CFAP47: variants seen among roughly 807,000 people sequenced by gnomAD.
The protein encoded by CFAP47 is cilia and flagella associated protein 47.
Under a neutral mutation model 148.1 loss-of-function variants are expected in CFAP47, and 29 were observed. The ratio of observed to expected loss-of-function variants is 0.20; its 90% CI spans 0.15 to 0.27. The LOEUF (loss-of-function observed/expected upper bound fraction) is 0.27, where lower values mean the gene tolerates loss of function less well. Ranked by LOEUF, CFAP47 falls within the 10% of genes least tolerant of loss-of-function variation. The pLI is 1.00. For missense variants in CFAP47, 1,872 were observed against 1,697.5 expected (o/e 1.10, Z -1.81); for synonymous variants, 664 against 577.3 (o/e 1.15, Z -2.15).
At chrX:36,014,082 G>A (rs772951000) in intron 21 of CFAP47, among the ~76,000 whole-genome samples, 39 of 111,779 alleles carry the variant, frequency 3.5e-4, no homozygotes, top group East Asian at 5.6e-4. Context: ...TGTGTTTTAC[G>A]TGTTCACATG....
At chrX:36,347,463 G>A (rs966785500) in intron 57 of CFAP47, among the ~76,000 whole-genome samples, 1 of 111,942 alleles carries the variant, frequency 8.9e-6, no homozygotes, top group African/African-American at 3.2e-5. Context: ...ATCCTTCTAT[G>A]ATAAAGACAC....
chrX:36,288,300 A>G (rs1189668344), intron 51 of CFAP47, among the ~76,000 whole-genome samples: 1 of 111,938 alleles, frequency 8.9e-6, no homozygotes. Context: ...AGTATTTAGG[A>G]TTTCCTTTGG....
At chrX:35,931,532 G>A (rs1686790770) in intron 2 of CFAP47, among the ~76,000 whole-genome samples, 1 of 111,263 alleles carries the variant, frequency 9.0e-6, no homozygotes, top group South Asian at 3.7e-4. Flanking sequence ...AAGTTAATTT[G>A]TATATGCTAT....
chrX:35,975,864 A>T lies in CFAP47; in HGVS notation c.2664A>T (p.Gln888His). ...RQNCCAQFQW[Q>H]PVNTGRGIAF... ...ATTGTTGTGCTCAGTTTCAATGGCA[A>T]CCCGTAAACACAGGAAGAGGGATAG... Residue 888 changes from glutamine to histidine, a missense_variant, in exon 15 of 64, where the codon CAA becomes CAT. Transcript: ENST00000378653. 1 of 1,209,171 alleles carries T rather than the reference A, an allele frequency of 8.3e-7. No homozygotes were observed. Among genetic ancestry groups the T allele is most frequent in the East Asian group, 3.0e-5 (1 of 33,824 alleles).
intron 39 of CFAP47, among the ~76,000 whole-genome samples, chrX:36,174,550 T>C (rs1306835048): frequency 9.2e-6 from 1 of 109,016 alleles, no homozygotes; most frequent in Non-Finnish European, 1.9e-5. Context: ...TATTTCTCCT[T>C]CACTTATGAA....
intron 35 of CFAP47, among the ~76,000 whole-genome samples, chrX:36,144,399 A>C (rs1474896518): frequency 1.8e-5 from 2 of 112,461 alleles, no homozygotes; most frequent in Non-Finnish European, 3.8e-5. Flanking sequence ...TGTCATTGTC[A>C]ATCACAAATA....
intron 49 of CFAP47, among the ~76,000 whole-genome samples, chrX:36,257,216 AG>A (rs1352436209): frequency 9.0e-6 from 1 of 111,430 alleles, no homozygotes; most frequent in Non-Finnish European, 1.9e-5. Flanking sequence ...GGTAGAACTC[AG>A]TAATCGAGTA....
chrX:36,363,344 G>A (rs1556019622), intron 61 of CFAP47, among the ~76,000 whole-genome samples: 1 of 111,102 alleles, frequency 9.0e-6, no homozygotes, highest in African/African-American at 3.3e-5. Flanking sequence ...ATATGGTATA[G>A]CCTATTGCTT....
intron 49 of CFAP47, among the ~76,000 whole-genome samples, chrX:36,260,051 T>A (rs1940799470): frequency 9.3e-6 from 1 of 107,185 alleles, no homozygotes; most frequent in South Asian, 4.1e-4. Context: ...ATTTCATTCA[T>A]TTTTATGGCT....
At chrX:36,156,372 A>G (rs1666200288) in intron 37 of CFAP47, among the ~76,000 whole-genome samples, 1 of 111,664 alleles carries the variant, frequency 9.0e-6, no homozygotes, top group South Asian at 3.6e-4. Flanking sequence ...ACTTATATAG[A>G]AAATGTTAAA....
intron 60 of CFAP47, among the ~76,000 whole-genome samples, chrX:36,354,111 T>C (rs1417561655): frequency 8.9e-6 from 1 of 112,129 alleles, no homozygotes; most frequent in Non-Finnish European, 1.9e-5. Flanking sequence ...AAATTAGATA[T>C]AATATCCAAA....
chrX:36,177,017 A>G (rs1217513449), intron 39 of CFAP47, among the ~76,000 whole-genome samples: 2 of 112,681 alleles, frequency 1.8e-5, no homozygotes, highest in Non-Finnish European at 3.7e-5. Context: ...TAGAATTCAT[A>G]TAGGTAGAAC....
chrX:36,234,794 G>A (rs1555993741), intron 46 of CFAP47, among the ~76,000 whole-genome samples: 1 of 111,468 alleles, frequency 9.0e-6, no homozygotes, highest in Non-Finnish European at 1.9e-5. Context: ...TGGGTTTTTG[G>A]TGTGGATGTC....
intron 49 of CFAP47, among the ~76,000 whole-genome samples, chrX:36,254,955 G>A (rs1161321496): frequency 8.9e-6 from 1 of 111,882 alleles, no homozygotes; most frequent in Non-Finnish European, 1.9e-5. Flanking sequence ...CTGACAGCAT[G>A]TACTAATGTT....
chrX:36,044,023 A>G (rs67510386), intron 25 of CFAP47, among the ~76,000 whole-genome samples: 9,629 of 112,673 alleles, frequency 0.085, 1,010 homozygotes, highest in African/African-American at 0.29. Context: ...GGAAGCCACC[A>G]AGGCTTGGGG....
At chrX:36,104,201 C>T (rs952820675) in intron 32 of CFAP47, among the ~76,000 whole-genome samples, 4 of 112,137 alleles carry the variant, frequency 3.6e-5, no homozygotes, top group Non-Finnish European at 7.5e-5. Flanking sequence ...AATGAATTTA[C>T]ATCCTAACAG....
At chrX:36,026,082 C>T (rs780666876) in intron 22 of CFAP47, among the ~76,000 whole-genome samples, 12 of 111,276 alleles carry the variant, frequency 1.1e-4, no homozygotes, top group Non-Finnish European at 2.1e-4. Context: ...TATTTTTGTC[C>T]TTCCACAAAA....
chrX:35,967,413 A>G (rs1936422529), intron 9 of CFAP47, among the ~76,000 whole-genome samples: 1 of 110,763 alleles, frequency 9.0e-6, no homozygotes, highest in African/African-American at 3.3e-5. Flanking sequence ...ATATTTTTAT[A>G]TATGCATTTT....
intron 49 of CFAP47, among the ~76,000 whole-genome samples, chrX:36,276,995 G>A (rs1404742535): frequency 8.9e-6 from 1 of 111,747 alleles, no homozygotes; most frequent in East Asian, 2.8e-4. Flanking sequence ...AAGCAATACA[G>A]AGAAAGAATA....
Sources: gnomAD v4.1 joint callset for allele counts (sites outside exome capture counted in the v4.1 genomes callset) on GRCh38, gnomAD v4.1.1 for gene constraint, MANE v1.5 for transcripts, NCBI Gene and HGNC (gene_info 2026-07-23, HGNC 2026-07-21) for gene names.